PLAC1: variants seen among roughly 807,000 people sequenced by gnomAD.
The protein encoded by PLAC1 is placenta-specific protein 1.
For missense variants in PLAC1, 136 were observed against 163.2 expected (o/e 0.83, Z 0.91); for synonymous variants, 68 against 62.1 (o/e 1.09, Z -0.44).
chrX:134,695,098 T>A (rs984604436), intron 2 of PLAC1, among the ~76,000 whole-genome samples: 1 of 111,925 alleles, frequency 8.9e-6, no homozygotes, highest in Non-Finnish European at 1.9e-5. Flanking sequence ...TAAGATATGA[T>A]TAGTTCTCTT....
chrX:134,631,651 C>A (rs1247338971), intron 1 of PLAC1, among the ~76,000 whole-genome samples: 2 of 111,611 alleles, frequency 1.8e-5, no homozygotes, highest in Non-Finnish European at 3.8e-5. Flanking sequence ...CTAGGGGTAA[C>A]TGGAGCATTT....
intron 2 of PLAC1, among the ~76,000 whole-genome samples, chrX:134,578,427 A>T (rs1424131122): frequency 4.5e-5 from 1 of 22,398 alleles, no homozygotes; most frequent in Non-Finnish European, 1.2e-4. Context: ...AAAAAAAAAA[A>T]AAGAAAAGAA....
chrX:134,566,183 A>T lies in PLAC1; in HGVS notation c.500T>A (p.Val167Asp). ...QRPNCDCPPC[V>D]FSEEEHTQVP... ...CTGGGTATGCTCTTCTTCACTGAAG[A>T]CACAAGGTGGACAATCGCAGTTGGG... Residue 167 changes from valine (V) to aspartate (D), a missense_variant, in exon 3 of 3, where the codon GTC becomes GAC. Transcript: ENST00000359237. The T allele has an allele frequency of 8.3e-7, 1 of 1,211,729 alleles. No homozygotes were observed. The highest frequency in any genetic ancestry group is 1.1e-6 in the Non-Finnish European group (1 of 895,498).
At chrX:134,679,550 T>C (rs2078487016) in intron 2 of PLAC1, among the ~76,000 whole-genome samples, 1 of 111,362 alleles carries the variant, frequency 9.0e-6, no homozygotes, top group African/African-American at 3.3e-5. Flanking sequence ...TCTGAAGACA[T>C]TTTTCGTTGT....
intron 1 of PLAC1, among the ~76,000 whole-genome samples, chrX:134,630,057 C>T (rs187203173): frequency 0.025 from 2,683 of 106,151 alleles, 103 homozygotes; most frequent in African/African-American, 0.089. Flanking sequence ...CTGCAACCTC[C>T]GCCTCCCAGG....
At chrX:134,599,079 C>T (rs755087825) in intron 2 of PLAC1, among the ~76,000 whole-genome samples, 1 of 111,296 alleles carries the variant, frequency 9.0e-6, no homozygotes, top group African/African-American at 3.3e-5. Flanking sequence ...AAATGAGGTG[C>T]GATGGTAGGT....
intron 2 of PLAC1, among the ~76,000 whole-genome samples, chrX:134,717,251 G>T (rs991496185): frequency 9.0e-6 from 1 of 111,468 alleles, no homozygotes; most frequent in East Asian, 2.8e-4. Flanking sequence ...AGTACATTGC[G>T]CACATATGAC....
At chrX:134,605,372 C>T (rs1191057563) in intron 1 of PLAC1, among the ~76,000 whole-genome samples, 1 of 112,221 alleles carries the variant, frequency 8.9e-6, no homozygotes, top group African/African-American at 3.2e-5. Context: ...GATGTCCATT[C>T]ATCCAGCTTC....
intron 2 of PLAC1, among the ~76,000 whole-genome samples, chrX:134,683,150 A>T (rs2078504456): frequency 9.0e-6 from 1 of 111,523 alleles, no homozygotes; most frequent in Non-Finnish European, 1.9e-5. Context: ...AAAATCAAGA[A>T]GTAGATAGCT....
chrX:134,697,162 C>T (rs1221440536), intron 2 of PLAC1, among the ~76,000 whole-genome samples: 3 of 111,306 alleles, frequency 2.7e-5, no homozygotes, highest in Non-Finnish European at 5.7e-5. Context: ...TCCAGCTCTC[C>T]AAGAGACAAC....
chrX:134,678,364 C>T (rs1166030203), intron 2 of PLAC1, among the ~76,000 whole-genome samples: 1 of 111,447 alleles, frequency 9.0e-6, no homozygotes, highest in South Asian at 3.8e-4. Context: ...CAAGAATAAT[C>T]CTTTCTAAAG....
intron 2 of PLAC1, among the ~76,000 whole-genome samples, chrX:134,696,904 C>A (rs976444134): frequency 1.3e-4 from 14 of 108,132 alleles, no homozygotes; most frequent in African/African-American, 4.7e-4. Context: ...GGGTGGCGGG[C>A]GCCTGTAGTC....
chrX:134,681,425 G>A (rs1473626047), intron 2 of PLAC1, among the ~76,000 whole-genome samples: 1 of 111,230 alleles, frequency 9.0e-6, no homozygotes, highest in African/African-American at 3.3e-5. Flanking sequence ...AAGTGAAATG[G>A]CATTATATAC....
At chrX:134,703,629 T>C (rs1402512811) in intron 2 of PLAC1, among the ~76,000 whole-genome samples, 1 of 110,801 alleles carries the variant, frequency 9.0e-6, no homozygotes, top group Non-Finnish European at 1.9e-5. Flanking sequence ...AACATATAGA[T>C]AAATTTAAAT....
chrX:134,750,893 A>T lies in PLAC1; in HGVS notation n.89+13341T>A, dbSNP rs1220032886. Among the ~76,000 whole-genome samples the T allele has an allele frequency of 6.2e-4, 6 of 9,649 alleles. 2 individuals are homozygous for T. The highest frequency in any genetic ancestry group is 3.4e-3 in the African/African-American group (6 of 1,753). 8.4% of individuals were successfully genotyped at this position (9,649 alleles called of 115,157 possible). On this transcript the variant is annotated intron_variant and non_coding_transcript_variant, in intron 1 of 2. Transcript: ENST00000466797. ...TATATATATTTATAAATATATATAT[A>T]TATATTTATATATATATTTATATAT... is the stretch of plus-strand genomic sequence containing the variant.
At chrX:134,608,679 CTT>C (rs61216654) in intron 1 of PLAC1, among the ~76,000 whole-genome samples, 1,702 of 89,997 alleles carry the variant, frequency 0.019, 43 homozygotes, top group African/African-American at 0.063. Context: ...TTTCTTTTTT[CTT>C]TTTTTTTTTT....
In PLAC1 at chrX:134,566,663, A is replaced by G. The variant is rs1366083960; in HGVS notation, c.20T>C (p.Ile7Thr). MKVFKF[I>T]GLMILLTSAF... ...AGAGGTGAGGAGGATCATCAGTCCT[A>G]TGAACTTAAAAACTTTCATCCCTGC... Residue 7 changes from isoleucine (I) to threonine (T), a missense_variant, in exon 3 of 3, where the codon ATA becomes ACA. By Grantham distance (89) the Ile-to-Thr change is moderately conservative (BLOSUM62 -1). Transcript: ENST00000359237. 3 of 1,192,786 alleles carry G rather than the reference A, an allele frequency of 2.5e-6. No homozygotes were observed. The highest frequency in any genetic ancestry group is 3.4e-6 in the Non-Finnish European group (3 of 882,249).
At chrX:134,675,004 C>A (rs760593418) in intron 2 of PLAC1, among the ~76,000 whole-genome samples, 2 of 112,106 alleles carry the variant, frequency 1.8e-5, no homozygotes, top group Non-Finnish European at 3.8e-5. Context: ...ACAAATGTAA[C>A]CTTTGGGACC....
chrX:134,599,574 T>G (rs1463239788), intron 2 of PLAC1: 1 of 111,843 alleles, frequency 8.9e-6, no homozygotes, highest in Non-Finnish European at 1.9e-5. Context: ...CAGGCTTGGG[T>G]ATTTCTGCAG....
Sources: gnomAD v4.1 joint callset for allele counts (sites outside exome capture counted in the v4.1 genomes callset) on GRCh38, gnomAD v4.1.1 for gene constraint, MANE v1.5 for transcripts, NCBI Gene and HGNC (gene_info 2026-07-23, HGNC 2026-07-21) for gene names.